Variants in IGDCC3 observed in about 807,000 individuals in gnomAD.
IGDCC3 encodes the protein immunoglobulin superfamily DCC subclass member 3.
In IGDCC3, 47 loss-of-function variants were observed where a neutral mutation model predicts 72.0. That is an observed-to-expected ratio of 0.65 (90% CI 0.52 to 0.83). The LOEUF is 0.83. Ranked by LOEUF, IGDCC3 falls within the 40% of genes least tolerant of loss-of-function variation. The pLI is 0.00. For missense variants in IGDCC3, 1,038 were observed against 1,091.3 expected, an observed-to-expected ratio of 0.95 and a Z score of 0.69; for synonymous variants, 477 against 472.8, an observed-to-expected ratio of 1.01 and a Z score of -0.11.
In IGDCC3 at chr15:65,330,984, A is replaced by G. The variant is rs951170710; in HGVS notation, c.1561+66T>C. 5 of 1,558,256 alleles carry G rather than the reference A, an allele frequency of 3.2e-6. No homozygotes were observed. In the South Asian group the frequency reaches 5.9e-5, roughly 18 times the overall value. On this transcript the variant is annotated intron_variant, in intron 9 of 13. Coordinates refer to ENST00000327987, the MANE Select transcript of IGDCC3 (RefSeq NM_004884.4). ...CAGCGCACAACCAGAACAAGTGTGC[A>G]TGGTGGTTCTGCTCTGATACCCTGA...
intron 2 of IGDCC3, among the ~76,000 whole-genome samples, chr15:65,344,576 A>G (rs1414222966): frequency 6.6e-6 from 1 of 152,230 alleles, no homozygotes; most frequent in Non-Finnish European, 1.5e-5. Context: ...ATGTCTCAGC[A>G]TCTAGCTGTT....
intron 2 of IGDCC3, among the ~76,000 whole-genome samples, chr15:65,337,507 G>C (rs2091041426): frequency 6.6e-6 from 1 of 152,190 alleles, no homozygotes; most frequent in Non-Finnish European, 1.5e-5. Context: ...TGGGGCCCTG[G>C]GGGTGGGAGG....
At position 65,330,554 on chromosome 15, in the gene IGDCC3, C is replaced by T; in HGVS notation, c.1749G>A (p.Gln583=). ...TCTGGGCTGTGTCTGCCTCACCGAGCTGGCTGAGGTTGTAGGAGGAGACGG... is the reference window on the plus strand; with the variant it reads ...TCTGGGCTGTGTCTGCCTCACCGAGTTGGCTGAGGTTGTAGGAGGAGACGG... ...PGTVSSYNLS[Q]LDPTAVYEVK... is the part of the protein sequence containing the mutation. The change falls in exon 10 of 14, where the codon CAG becomes CAA. Residue 583 remains glutamine (Q), a synonymous_variant. Transcript: ENST00000327987. 6.2e-7 allele frequency: 1 copy of T among 1,612,848 alleles called. No individual in the cohort carries two copies. Among genetic ancestry groups the T allele is most frequent in the Non-Finnish European group, 8.5e-7 (1 of 1,179,632 alleles).
At chr15:65,357,266 T>C (rs1352293607) in intron 2 of IGDCC3, among the ~76,000 whole-genome samples, 1 of 152,206 alleles carries the variant, frequency 6.6e-6, no homozygotes, top group Non-Finnish European at 1.5e-5. Flanking sequence ...AATGATATGC[T>C]TATGTTCCAG....
At chr15:65,332,646 T>C (rs1567060949) in intron 6 of IGDCC3, among the ~76,000 whole-genome samples, 1 of 152,164 alleles carries the variant, frequency 6.6e-6, no homozygotes, top group East Asian at 1.9e-4. Context: ...AAGTTCCTAA[T>C]TCTCCCACTT....
chr15:65,360,042 G>A (rs1234861958), intron 2 of IGDCC3, among the ~76,000 whole-genome samples: 4 of 152,182 alleles, frequency 2.6e-5, no homozygotes, highest in Admixed American at 6.5e-5. Flanking sequence ...CCCTGAGGGT[G>A]CAGAGGAGCT....
rs749192324 is a variant in IGDCC3 at position 65,331,638 on chromosome 15, G to A, written c.1170C>T (p.Ile390=). The change falls in exon 8 of 14, where the codon ATC becomes ATT. Residue 390 remains isoleucine, a synonymous_variant. Transcript: ENST00000327987. The part of the protein sequence containing the change: ...NNNSTLTISG[I]GPEDEAIYQC... The stretch of plus-strand genomic sequence containing the variant: ...GATAAATGGCTTCATCCTCAGGACC[G>A]ATTCCAGAAATGGTCAGTGTGCTGC... The A allele has an allele frequency of 8.1e-6, 13 of 1,608,368 alleles. No individual in the cohort carries two copies. Among genetic ancestry groups the A allele is most frequent in the African/African-American group, 1.3e-5 (1 of 74,828 alleles).
chr15:65,334,859 C>T lies in IGDCC3; in HGVS notation c.692G>A (p.Gly231Asp), dbSNP rs1258370201. 1.2e-6 allele frequency: 2 copies of T among 1,611,198 alleles called. No homozygotes were observed. Among genetic ancestry groups the T allele is most frequent in the Non-Finnish European group, 8.5e-7 (1 of 1,178,960 alleles). The change falls in exon 5 of 14, where the codon GGC becomes GAC. Residue 231 changes from glycine to aspartate, a missense_variant. Coordinates refer to ENST00000327987, the MANE Select transcript of IGDCC3 (RefSeq NM_004884.4). ...HGARLTVSGS[G>D]SGAYKEPAIL... The stretch of plus-strand genomic sequence containing the variant: ...GGCTGGCTCCTTGTAGGCCCCAGAG[C>T]CCGAGCCTGGGAGGAAGACGCCACA...
chr15:65,376,766 T>C (rs2091361707), intron 1 of IGDCC3, among the ~76,000 whole-genome samples: 2 of 152,240 alleles, frequency 1.3e-5, no homozygotes, highest in African/African-American at 2.4e-5. Flanking sequence ...AAGTTTTTCC[T>C]TGATGCGGAC....
At chr15:65,355,760 G>C (rs774949684) in intron 2 of IGDCC3, 4 of 452,420 alleles carry the variant, frequency 8.8e-6, no homozygotes, top group South Asian at 6.2e-5. Flanking sequence ...ATCCGGCATT[G>C]TGCGCGGCGA....
At chr15:65,333,127 G>A (rs1004684530) in intron 6 of IGDCC3, 130 bp downstream of exon 6, 9 of 873,296 alleles carry the variant, frequency 1.0e-5, no homozygotes, top group Non-Finnish European at 1.3e-5. Context: ...CCTGGGGGCC[G>A]GTGAGGGGCG....
Position 65,329,493 on chromosome 15 carries a change from T to TGTCCCCGTC in IGDCC3, c.2093_2101dup (p.Arg698_Gly700dup). 2.5e-6 allele frequency: 4 copies of TGTCCCCGTC among 1,608,612 alleles called. No individual in the cohort carries two copies. Among genetic ancestry groups the TGTCCCCGTC allele is most frequent in the Non-Finnish European group, 3.4e-6 (4 of 1,178,488 alleles). The stretch of plus-strand genomic sequence containing the variant: ...CTCGTCTCGGCCCAGCTGGCCCCGC[T>TGTCCCCGTC]GTCCCCGTCTCGCCCCATTTAGGGC... On this transcript the variant is annotated inframe_insertion, in exon 13 of 14. Coordinates refer to ENST00000327987, the MANE Select transcript of IGDCC3 (RefSeq NM_004884.4). The surrounding 1 kb of genome is among the most constrained non-coding windows in gnomAD (Gnocchi z 4.1).
intron 2 of IGDCC3, among the ~76,000 whole-genome samples, chr15:65,370,620 GTATATATATATA>G (rs71136346): frequency 5.3e-5 from 5 of 94,592 alleles, no homozygotes; most frequent in Admixed American, 4.1e-4. Context: ...ATATGTATGT[GTATATATATATA>G]TATATATATA....
rs1239332377 is a variant in IGDCC3, at chr15:65,339,064, A to G, written c.410-3108T>C. Among the ~76,000 whole-genome samples the G allele has an allele frequency of 6.6e-6, 1 of 151,816 alleles. No individual in the cohort carries two copies. The highest frequency in any genetic ancestry group is 1.5e-5 in the Non-Finnish European group (1 of 67,980). ...ACCACAAGCGCGCACCACCACGCCCAGCTAATTTTTTAATTTCTTTTTTCT... is the reference window on the plus strand; with the variant it reads ...ACCACAAGCGCGCACCACCACGCCCGGCTAATTTTTTAATTTCTTTTTTCT... On this transcript the variant is annotated intron_variant, in intron 2 of 13. Coordinates refer to ENST00000327987, the MANE Select transcript of IGDCC3 (RefSeq NM_004884.4). The surrounding 1 kb of genome is among the most constrained non-coding windows in gnomAD (Gnocchi z 4.1).
intron 2 of IGDCC3, among the ~76,000 whole-genome samples, chr15:65,345,267 T>C (rs916029395): frequency 7.9e-5 from 12 of 151,940 alleles, no homozygotes; most frequent in Admixed American, 5.2e-4. Context: ...AATAGAAGGA[T>C]GATGGCCAGG....
Position 65,339,241 on chromosome 15 carries a change from C to T in IGDCC3, c.410-3285G>A, listed in dbSNP as rs144026336. On this transcript the variant is annotated intron_variant, in intron 2 of 13. Transcript: ENST00000327987. The surrounding 1 kb of genome is among the most constrained non-coding windows in gnomAD (Gnocchi z 4.1). ...GTACTACAGATGCACGCCACCATGCCCAGCTAATTTTTGTATTTTTAGTAG... is the reference window on the plus strand; with the variant it reads ...GTACTACAGATGCACGCCACCATGCTCAGCTAATTTTTGTATTTTTAGTAG... Among the ~76,000 whole-genome samples, 1,259 of 152,262 alleles carry T rather than the reference C, an allele frequency of 8.3e-3. 10 individuals are homozygous for T. Among genetic ancestry groups the T allele is most frequent in the African/African-American group, 0.029 (1,194 of 41,544 alleles).
chr15:65,333,947 G>A (rs1380697025), intron 5 of IGDCC3, among the ~76,000 whole-genome samples: 1 of 152,094 alleles, frequency 6.6e-6, no homozygotes, highest in Non-Finnish European at 1.5e-5. Context: ...TCCTGATGGT[G>A]CGGCCACTCT....
At chr15:65,333,197 TGGGAGGAA>T (rs913373625) in intron 6 of IGDCC3, 52 bp downstream of exon 6, 2 of 1,476,812 alleles carry the variant, frequency 1.4e-6, no homozygotes, top group African/African-American at 2.8e-5. Context: ...GGGCCTGGGC[TGGGAGGAA>T]GGGACTGTGC....
chr15:65,367,591 C>T (rs916935835), intron 2 of IGDCC3, among the ~76,000 whole-genome samples: 6 of 152,006 alleles, frequency 3.9e-5, no homozygotes, highest in South Asian at 2.1e-4. Flanking sequence ...GGGGCTACGG[C>T]CACACCCAAA....
Sources: allele counts gnomAD v4.1 joint callset (sites outside exome capture counted in the v4.1 genomes callset), GRCh38; gene constraint gnomAD v4.1.1; non-coding constraint Gnocchi (gnomAD v3.1); transcripts MANE v1.5; gene names NCBI Gene and HGNC (gene_info 2026-07-23, HGNC 2026-07-21).